The following SAMD5 variants were observed in gnomAD, a reference collection of about 807,000 sequenced individuals.
The protein encoded by SAMD5 is sterile alpha motif domain-containing protein 5.
SAMD5 carries 13 observed loss-of-function variants against 11.3 expected under a neutral mutation model. That is an observed-to-expected ratio of 1.15 (90% CI 0.75 to 1.83). The LOEUF (loss-of-function observed/expected upper bound fraction) is 1.83. SAMD5 is among the 40% of genes most tolerant of loss of function. The pLI, the probability that SAMD5 is intolerant of heterozygous loss-of-function variation, is 0.00. For missense variants in SAMD5, 255 were observed against 239.1 expected, an observed-to-expected ratio of 1.07 and a Z score of -0.44; for synonymous variants, 129 against 111.3, an observed-to-expected ratio of 1.16 and a Z score of -1.00.
chr6:147,660,804 G>A (rs577170127), intron 1 of SAMD5: 40 of 152,236 alleles, frequency 2.6e-4, no homozygotes, highest in Middle Eastern at 3.4e-3. Flanking sequence ...CATGCTTCCC[G>A]TACAGCTGTG....
chr6:147,859,015 A>G, the SAMD5 span, among the ~76,000 whole-genome samples: 1 of 152,174 alleles, frequency 6.6e-6, no homozygotes. Flanking sequence ...GAAGATTGAA[A>G]CCTCAATGAG....
At chr6:147,852,757 A>G in the SAMD5 span, among the ~76,000 whole-genome samples, 1 of 152,220 alleles carries the variant, frequency 6.6e-6, no homozygotes, top group Non-Finnish European at 1.5e-5. Flanking sequence ...TTCTTAAATT[A>G]AAAAATACTA....
rs781269939 is a variant in SAMD5 at position 147,711,952 on chromosome 6, A to T, written c.163-25365A>T. Among the ~76,000 whole-genome samples the T allele has an allele frequency of 2.2e-4, 33 of 152,222 alleles. No individual in the cohort carries two copies. Among genetic ancestry groups the T allele is most frequent in the Non-Finnish European group, 4.3e-4 (29 of 68,040 alleles). On this transcript the variant is annotated intron_variant, in intron 1 of 1. Transcript: ENST00000566741. This position sits in a 1 kb window ranked among gnomAD's most constrained non-coding sequence, Gnocchi z 4.1. ...TTTTAAGCTAAGATGTATCTTCAGT[A>T]CCTTGGGACAAAGAAATGAGCATTT... is the stretch of plus-strand genomic sequence containing the variant.
chr6:147,665,794 T>G (rs1303962145), intron 1 of SAMD5, among the ~76,000 whole-genome samples: 1 of 152,244 alleles, frequency 6.6e-6, no homozygotes, highest in Non-Finnish European at 1.5e-5. Flanking sequence ...AGGTCTTTTC[T>G]TTTTCTGTGA....
chr6:147,552,206 C>T (rs1788786396), intron 1 of SAMD5, among the ~76,000 whole-genome samples: 2 of 152,222 alleles, frequency 1.3e-5, no homozygotes, highest in Middle Eastern at 3.4e-3. Flanking sequence ...TGTTTTAAGG[C>T]TAACTGTGGG....
rs1201612090 is a variant in SAMD5, at chr6:147,569,213, T to G, written c.*4757T>G. 1.5e-5 allele frequency: 4 copies of G among 271,436 alleles called. No individual in the cohort carries two copies. Among genetic ancestry groups the G allele is most frequent in the African/African-American group, 2.5e-5 (1 of 39,930 alleles). The allele number at this position is 271,436 out of a possible 1,614,324, so 16.8% of individuals were successfully genotyped here. A position where few individuals can be genotyped will look rare whatever the true frequency, so the allele number is the denominator to read the frequency against. On this transcript the variant is annotated 3_prime_UTR_variant, in exon 2 of 2. Coordinates refer to ENST00000367474, the MANE Select transcript of SAMD5 (RefSeq NM_001030060.3). ...TCCAGCCTGGGCAACAGAGTGAGAC[T>G]CTGTCTAAAAAAAAAAAAAAAAGAA...
chr6:147,761,556 G>C, the SAMD5 span, among the ~76,000 whole-genome samples: 1,750 of 151,890 alleles, frequency 0.012, 33 homozygotes, highest in African/African-American at 0.041. Flanking sequence ...ATATAATAAA[G>C]GTTATATTTC....
At chr6:147,666,095 T>A (rs1266987951) in intron 1 of SAMD5, among the ~76,000 whole-genome samples, 3 of 152,064 alleles carry the variant, frequency 2.0e-5, no homozygotes, top group African/African-American at 7.2e-5. Context: ...CCCGCCAACA[T>A]GCCTGGCTAA....
At chr6:147,534,555 G>T (rs1231188262) in intron 1 of SAMD5, among the ~76,000 whole-genome samples, 1 of 152,154 alleles carries the variant, frequency 6.6e-6, no homozygotes, top group Non-Finnish European at 1.5e-5. Context: ...AGCATTCAGG[G>T]AGCAGAGTTT....
intron 1 of SAMD5, among the ~76,000 whole-genome samples, chr6:147,659,558 G>C (rs1238557517): frequency 6.6e-6 from 1 of 152,144 alleles, no homozygotes; most frequent in African/African-American, 2.4e-5. Context: ...AAAGATAACA[G>C]ATTCTTAGAC....
chr6:147,757,179 A>C, the SAMD5 span, among the ~76,000 whole-genome samples: 4 of 152,188 alleles, frequency 2.6e-5, no homozygotes, highest in African/African-American at 9.6e-5. Context: ...AATTAGTCTC[A>C]TTTCTTTACG....
At chr6:147,633,584 C>T (rs776608147) in intron 1 of SAMD5, among the ~76,000 whole-genome samples, 7 of 151,996 alleles carry the variant, frequency 4.6e-5, no homozygotes, top group East Asian at 1.9e-4. Context: ...CTGGTATTAG[C>T]GTGGAAGTAA....
intron 1 of SAMD5, among the ~76,000 whole-genome samples, chr6:147,674,141 G>C (rs905945755): frequency 3.9e-5 from 6 of 152,104 alleles, no homozygotes; most frequent in Non-Finnish European, 7.4e-5. Flanking sequence ...AGGGGGACAG[G>C]GGCTGTCATT....
In SAMD5 at chr6:147,508,884, T is replaced by C. The variant is rs1038856770; in HGVS notation, c.-45T>C. 5.1e-6 allele frequency: 8 copies of C among 1,580,562 alleles called. No individual in the cohort carries two copies. Among genetic ancestry groups the C allele is most frequent in the Non-Finnish European group, 6.0e-6 (7 of 1,165,240 alleles). The stretch of plus-strand genomic sequence containing the variant: ...CAAGAACTGGTGCCGCCCGTGCCAT[T>C]TGGGCGCTGGGAAGGTGCTCGGCGG... On this transcript the variant is annotated 5_prime_UTR_variant, in exon 1 of 2. Coordinates refer to ENST00000367474, the MANE Select transcript of SAMD5 (RefSeq NM_001030060.3).
the SAMD5 span, among the ~76,000 whole-genome samples, chr6:147,918,461 C>G: frequency 6.6e-6 from 1 of 152,110 alleles, no homozygotes; most frequent in Non-Finnish European, 1.5e-5. Context: ...TCTCTCACCA[C>G]TCCTATTCAA....
At chr6:147,535,367 G>A (rs1788492517) in intron 1 of SAMD5, among the ~76,000 whole-genome samples, 1 of 152,200 alleles carries the variant, frequency 6.6e-6, no homozygotes, top group African/African-American at 2.4e-5. Context: ...CCTAGGATGA[G>A]GAGTACAAAT....
chr6:147,672,640 T>A (rs1790810513), intron 1 of SAMD5, among the ~76,000 whole-genome samples: 1 of 152,082 alleles, frequency 6.6e-6, no homozygotes, highest in African/African-American at 2.4e-5. Context: ...TCAGTCTCCT[T>A]ATAATAGCCC....
chr6:147,723,086 G>T (rs1427747639), intron 1 of SAMD5, among the ~76,000 whole-genome samples: 1 of 152,152 alleles, frequency 6.6e-6, no homozygotes, highest in Admixed American at 6.5e-5. Context: ...GCCTTCACTT[G>T]TTACTAAGTA....
rs1199796992 is a variant in SAMD5 at position 147,567,210 on chromosome 6, AC to A, written c.*2757del. The A allele has an allele frequency of 1.2e-4, 115 of 985,278 alleles. No homozygotes were observed. Among genetic ancestry groups the A allele is most frequent in the Non-Finnish European group, 1.4e-4 (113 of 829,900 alleles). The allele number at this position is 985,278 out of a possible 1,614,324, so 61.0% of individuals were successfully genotyped here. A position where few individuals can be genotyped will look rare whatever the true frequency, so the allele number is the denominator to read the frequency against. On this transcript the variant is annotated 3_prime_UTR_variant, in exon 2 of 2. Coordinates refer to ENST00000367474, the MANE Select transcript of SAMD5 (RefSeq NM_001030060.3). Reference sequence around the variant, plus strand: ...GCGTAATGTTAAGGGCTTCTTCCTTACCCAAGTGGGAGCTGAACCAGTAATT... The same window carrying A: ...GCGTAATGTTAAGGGCTTCTTCCTTACCAAGTGGGAGCTGAACCAGTAATT...
Sources: gnomAD v4.1 joint callset for allele counts (sites outside exome capture counted in the v4.1 genomes callset) on GRCh38, gnomAD v4.1.1 for gene constraint, Gnocchi (gnomAD v3.1) non-coding constraint, MANE v1.5 for transcripts, NCBI Gene and HGNC (gene_info 2026-07-23, HGNC 2026-07-21) for gene names.